Variants in RAB3GAP2 observed in about 807,000 individuals in gnomAD.
RAB3GAP2 encodes the protein rab3 GTPase-activating protein non-catalytic subunit.
RAB3GAP2 carries 87 observed loss-of-function variants against 185.3 expected under a neutral mutation model. That is an observed-to-expected ratio of 0.47 (90% CI 0.39 to 0.56). The LOEUF is 0.56. Among genes scored for constraint, RAB3GAP2 ranks in the 20% least tolerant of loss-of-function variants. RAB3GAP2 has a pLI of 0.00. For synonymous variants in RAB3GAP2, 554 were observed against 576.1 expected (o/e 0.96, Z 0.55); for missense variants, 1,492 against 1,638.2 (o/e 0.91, Z 1.54).
chr1:220,163,633 A>G (rs1272616555), intron 27 of RAB3GAP2, among the ~76,000 whole-genome samples: 2 of 151,046 alleles, frequency 1.3e-5, no homozygotes, highest in East Asian at 3.9e-4. Context: ...AAGTGTTGGG[A>G]TTACAGGTGT....
At chr1:220,251,164 G>C (rs1309253451) in intron 1 of RAB3GAP2, among the ~76,000 whole-genome samples, 1 of 152,208 alleles carries the variant, frequency 6.6e-6, no homozygotes, top group Non-Finnish European at 1.5e-5. Context: ...TTAATAAATT[G>C]TGTTAAAACA....
At chr1:220,177,408 T>C (rs1442880101) in intron 21 of RAB3GAP2, among the ~76,000 whole-genome samples, 2 of 152,066 alleles carry the variant, frequency 1.3e-5, no homozygotes, top group African/African-American at 2.4e-5. Flanking sequence ...CACAATACCA[T>C]CGTACTACCA....
At chr1:220,266,617 A>C in intron 1 of RAB3GAP2, 1 of 1,135,746 alleles carries the variant, frequency 8.8e-7, no homozygotes, top group Non-Finnish European at 1.3e-6. Context: ...TGAGGGCAGC[A>C]GTCAATGGTA....
chr1:220,185,670 C>T lies in RAB3GAP2; in HGVS notation c.1851G>A (p.Met617Ile). 1 of 1,610,992 alleles carries T rather than the reference C, an allele frequency of 6.2e-7. No homozygotes were observed. Among genetic ancestry groups the T allele is most frequent in the Non-Finnish European group, 8.5e-7 (1 of 1,177,558 alleles). Residue 617 changes from methionine to isoleucine, a missense_variant, in exon 18 of 35, where the codon ATG becomes ATA. By Grantham distance (10) the Met-to-Ile change is conservative. Coordinates refer to ENST00000358951, the MANE Select transcript of RAB3GAP2 (RefSeq NM_012414.4). ...SCLRNITQTLMDTLKSQELES... is the reference protein window; with the variant it reads ...SCLRNITQTLIDTLKSQELES... ...TATTACCTTGACTTTTTAAAGTGTCCATTAAAGTCTGAGTGATGTTTCTAA... is the reference window on the plus strand; with the variant it reads ...TATTACCTTGACTTTTTAAAGTGTCTATTAAAGTCTGAGTGATGTTTCTAA...
chr1:220,154,815 G>A (rs190054884), intron 31 of RAB3GAP2, among the ~76,000 whole-genome samples: 1 of 149,350 alleles, frequency 6.7e-6, no homozygotes, highest in African/African-American at 2.5e-5. Flanking sequence ...CCACCTTCCT[G>A]GTTCAAGCGA....
intron 1 of RAB3GAP2, among the ~76,000 whole-genome samples, chr1:220,234,446 AAC>A (rs1216903463): frequency 6.6e-6 from 1 of 152,240 alleles, no homozygotes; most frequent in East Asian, 1.9e-4. Context: ...GCTTTGTAGT[AAC>A]AGTCTAATCT....
intron 1 of RAB3GAP2, chr1:220,267,188 G>C: frequency 1.0e-6 from 1 of 989,688 alleles, no homozygotes. Flanking sequence ...CAGTAAGACA[G>C]GGCACTTGCC....
In RAB3GAP2 at chr1:220,272,291, G is replaced by T; in HGVS notation, c.47C>A (p.Ala16Asp). The change falls in exon 1 of 35, where the codon GCC (alanine) becomes GAC (aspartate). Residue 16 changes from alanine to aspartate, a missense_variant. Ala to Asp is a moderately radical substitution (Grantham distance 126). Around this residue, in one of 5 missense-constraint regions of RAB3GAP2, gnomAD observed 177 missense variants for 160.6 expected, o/e 1.10. Coordinates refer to ENST00000358951, the MANE Select transcript of RAB3GAP2 (RefSeq NM_012414.4). ...VQFCYFQDLQAARDFLFPHLR... is the reference protein window; with the variant it reads ...VQFCYFQDLQDARDFLFPHLR... The stretch of plus-strand genomic sequence containing the variant: ...GTGAGGAAAGAGGAAGTCCCGGGCG[G>T]CCTGGAGGTCCTGGAAGTAGCAGAA... The T allele has an allele frequency of 1.2e-6, 2 of 1,612,420 alleles. No individual in the cohort carries two copies. The highest frequency in any genetic ancestry group is 1.7e-6 in the Non-Finnish European group (2 of 1,179,658).
chr1:220,229,609 T>C (rs1659461450), intron 2 of RAB3GAP2, among the ~76,000 whole-genome samples: 1 of 152,202 alleles, frequency 6.6e-6, no homozygotes, highest in Non-Finnish European at 1.5e-5. Flanking sequence ...AAGGACAACT[T>C]GCCTCACACA....
At chr1:220,232,544 C>A (rs899308234) in intron 2 of RAB3GAP2, among the ~76,000 whole-genome samples, 1 of 152,198 alleles carries the variant, frequency 6.6e-6, no homozygotes, top group Non-Finnish European at 1.5e-5. Flanking sequence ...GTGAGCCAAT[C>A]AATTTCTGTT....
At position 220,149,452 on chromosome 1, in the gene RAB3GAP2, A is replaced by AAAT. The variant is rs1178662795; in HGVS notation, c.*1796_*1798dup. On this transcript the variant is annotated 3_prime_UTR_variant, in exon 35 of 35. Transcript: ENST00000358951. Reference sequence around the variant, plus strand: ...ATGGAATTGAGGATTTATTCTTTAAAAATACCTATAACTCCAAGTTTCTTT... The same window carrying AAAT: ...ATGGAATTGAGGATTTATTCTTTAAAAATAATACCTATAACTCCAAGTTTCTTT... 1 of 152,226 alleles carries AAAT rather than the reference A, an allele frequency of 6.6e-6. No individual in the cohort carries two copies. Among genetic ancestry groups the AAAT allele is most frequent in the African/African-American group, 2.4e-5 (1 of 41,468 alleles). The allele number at this position is 152,226 out of a possible 1,614,324, so 9.4% of individuals were successfully genotyped here.
chr1:220,150,132 G>T lies in RAB3GAP2; in HGVS notation c.*1119C>A. ...TTTTTTTTTTTTTTTTCGAGACAGGGTCTTGCTATATTGCCCAGAATGGCC... is the reference window on the plus strand; with the variant it reads ...TTTTTTTTTTTTTTTTCGAGACAGGTTCTTGCTATATTGCCCAGAATGGCC... On this transcript the variant is annotated 3_prime_UTR_variant, in exon 35 of 35. Coordinates refer to ENST00000358951, the MANE Select transcript of RAB3GAP2 (RefSeq NM_012414.4). The T allele has an allele frequency of 6.8e-6, 1 of 147,150 alleles. No individual in the cohort carries two copies. The highest frequency in any genetic ancestry group is 2.1e-4 in the South Asian group (1 of 4,674). 9.1% of individuals were successfully genotyped at this position (147,150 alleles called of 1,614,324 possible).
intron 28 of RAB3GAP2, among the ~76,000 whole-genome samples, chr1:220,161,176 A>G (rs1657957460): frequency 6.6e-6 from 1 of 152,208 alleles, no homozygotes; most frequent in South Asian, 2.1e-4. Context: ...GAAGCTATTC[A>G]GTCAAGGAAG....
intron 2 of RAB3GAP2, among the ~76,000 whole-genome samples, chr1:220,227,115 C>T (rs1659416678): frequency 6.6e-6 from 1 of 152,184 alleles, no homozygotes; most frequent in South Asian, 2.1e-4. Context: ...GCGTGTGGTA[C>T]ACTGTTATGG....
chr1:220,262,456 A>T (rs1389252978), intron 1 of RAB3GAP2, among the ~76,000 whole-genome samples: 1 of 152,220 alleles, frequency 6.6e-6, no homozygotes, highest in Non-Finnish European at 1.5e-5. Flanking sequence ...GAAACTCTGT[A>T]TCATTAAACA....
Position 220,189,763 on chromosome 1 carries a change from C to A in RAB3GAP2, c.1719G>T (p.Leu573Phe). 2 of 1,493,058 alleles carry A rather than the reference C, an allele frequency of 1.3e-6. No individual in the cohort carries two copies. The highest frequency in any genetic ancestry group is 1.4e-5 in the African/African-American group (1 of 71,114). The allele number at this position is 1,493,058 out of a possible 1,614,324, so 92.5% of individuals were successfully genotyped here. A position where few individuals can be genotyped will look rare whatever the true frequency, so the allele number is the denominator to read the frequency against. Residue 573 changes from leucine to phenylalanine, a missense_variant, in exon 17 of 35, where the codon TTG (leucine) becomes TTT (phenylalanine). Leu to Phe is a conservative substitution (Grantham distance 22). Around this residue, in one of 5 missense-constraint regions of RAB3GAP2, gnomAD observed 681 missense variants for 689.1 expected, o/e 0.99. Transcript: ENST00000358951. The part of the protein sequence containing the change: ...LLKTKSPNLD[L>F]VETEIKELIL... ...TTAATTCCTTTATTTCTGTTTCAAC[C>A]AAATCTATAAAGAAAAAAATAATCA...
intron 1 of RAB3GAP2, chr1:220,267,046 C>A: frequency 1.2e-6 from 2 of 1,610,740 alleles, no homozygotes; most frequent in Non-Finnish European, 1.7e-6. Flanking sequence ...GTCCAGGGTG[C>A]CACAGAGAGT....
intron 31 of RAB3GAP2, chr1:220,154,258 C>A (rs1011550791): frequency 2.9e-6 from 2 of 687,962 alleles, no homozygotes; most frequent in Non-Finnish European, 4.4e-6. Context: ...TCCCCTCCTC[C>A]TGGTATTCGT....
chr1:220,200,822 A>C, intron 9 of RAB3GAP2: 1 of 341,296 alleles, frequency 2.9e-6, no homozygotes, highest in Non-Finnish European at 6.0e-6. Flanking sequence ...CTTTAGAGTC[A>C]CTCTCCTTCC....
Sources: allele counts gnomAD v4.1 joint callset (sites outside exome capture counted in the v4.1 genomes callset), GRCh38; gene constraint gnomAD v4.1.1; regional missense constraint gnomAD v4.1.1; transcripts MANE v1.5; gene names NCBI Gene and HGNC (gene_info 2026-07-23, HGNC 2026-07-21).